PAK1: variants seen among roughly 807,000 people sequenced by gnomAD.
PAK1 encodes serine/threonine-protein kinase PAK 1.
A neutral mutation model predicts 67.4 loss-of-function variants in PAK1; 29 were observed. The ratio of observed to expected loss-of-function variants is 0.43; its 90% CI spans 0.32 to 0.59. The LOEUF (loss-of-function observed/expected upper bound fraction) is 0.59. PAK1 is among the 20% of genes least tolerant of loss of function. The pLI, the probability that PAK1 is intolerant of heterozygous loss-of-function variation, is 0.07. For missense variants in PAK1, 337 were observed against 670.7 expected (o/e 0.50, Z 5.50); for synonymous variants, 223 against 237.4 (o/e 0.94, Z 0.56).
chr11:77,495,118 C>T, the PAK1 span, among the ~76,000 whole-genome samples: 4 of 150,960 alleles, frequency 2.6e-5, no homozygotes, highest in African/African-American at 7.3e-5. Context: ...TCCAAGACCA[C>T]GCCATTGCAC....
chr11:77,339,942 C>T (rs1187569159), intron 11 of PAK1, among the ~76,000 whole-genome samples: 1 of 152,030 alleles, frequency 6.6e-6, no homozygotes, highest in African/African-American at 2.4e-5. Flanking sequence ...TCTGAATATT[C>T]CCTTCATCTT....
At chr11:77,383,411 A>G (rs1429198629) in intron 2 of PAK1, among the ~76,000 whole-genome samples, 1 of 144,328 alleles carries the variant, frequency 6.9e-6, no homozygotes, top group Admixed American at 7.2e-5. Context: ...TGCAACCTCC[A>G]CCTCCCCGGT....
chr11:77,500,689 A>C, the PAK1 span, among the ~76,000 whole-genome samples: 11 of 148,386 alleles, frequency 7.4e-5, no homozygotes, highest in East Asian at 2.1e-4. Context: ...CACACACACA[A>C]AAAAATTAGC....
intron 13 of PAK1, among the ~76,000 whole-genome samples, chr11:77,335,639 ATC>A (rs1748714139): frequency 6.6e-6 from 1 of 152,184 alleles, no homozygotes; most frequent in South Asian, 2.1e-4. Context: ...GGCCAAAATG[ATC>A]TGTTTAAAAC....
At chr11:77,442,536 T>C (rs1956399866) in intron 1 of PAK1, among the ~76,000 whole-genome samples, 1 of 152,104 alleles carries the variant, frequency 6.6e-6, no homozygotes. Context: ...TGAGTGAACT[T>C]GGAAGGAGTT....
chr11:77,395,075 T>G (rs1183014106), intron 1 of PAK1, among the ~76,000 whole-genome samples: 2 of 152,198 alleles, frequency 1.3e-5, no homozygotes, highest in African/African-American at 4.8e-5. Context: ...ATGCTGATCC[T>G]TCTGCCTAGA....
intron 1 of PAK1, among the ~76,000 whole-genome samples, chr11:77,431,412 A>C (rs1021172802): frequency 2.0e-5 from 3 of 152,148 alleles, no homozygotes; most frequent in Admixed American, 1.3e-4. Context: ...GACCTACCCA[A>C]TGTTTAACAA....
Position 77,382,259 on chromosome 11 carries a change from C to T in PAK1, c.191-2265G>A, listed in dbSNP as rs546597512. Among the ~76,000 whole-genome samples, 7 of 152,202 alleles carry T rather than the reference C, an allele frequency of 4.6e-5. No individual in the cohort carries two copies. In the South Asian group the frequency reaches 1.2e-3, roughly 27 times the overall value. On this transcript the variant is annotated intron_variant, in intron 2 of 14. Transcript: ENST00000356341. ...CATGAGTGGTTTACAGAAAAGAGTT[C>T]CAGAGAAATGAAATCATTTAATACA... is the stretch of plus-strand genomic sequence containing the variant.
intron 8 of PAK1, 31 bp from the exon 9 acceptor site, chr11:77,349,318 A>C (rs747337221): frequency 5.1e-6 from 8 of 1,554,534 alleles, no homozygotes; most frequent in Non-Finnish European, 7.0e-6. Context: ...GAAAGAGGGA[A>C]AAAAACACAG....
In PAK1 at chr11:77,379,367, G is replaced by A. The variant is rs769079461; in HGVS notation, c.313C>T (p.Arg105Cys). Residue 105 changes from arginine to cysteine, a missense_variant, in exon 4 of 15, where the codon CGC (arginine) becomes TGC (cysteine). Physicochemically the swap from Arg to Cys is radical, Grantham distance 180 (BLOSUM62 -3). Transcript: ENST00000356341. ...EFTGMPEQWA[R>C]LLQTSNITKS... ...GTGATATTTGATGTCTGAAGCAAGC[G>A]GGCCCACTGCTCTGGCATTCCCTGT... The A allele has an allele frequency of 8.7e-6, 14 of 1,613,394 alleles. No homozygotes were observed. Among genetic ancestry groups the A allele is most frequent in the Admixed American group, 3.3e-5 (2 of 59,978 alleles).
At chr11:77,392,142 G>A (rs1280527389) in intron 2 of PAK1, among the ~76,000 whole-genome samples, 189 bp downstream of exon 2, 1 of 152,066 alleles carries the variant, frequency 6.6e-6, no homozygotes, top group Admixed American at 6.6e-5. Flanking sequence ...CTCAGATATA[G>A]TTAATAGAGT....
At chr11:77,508,911 C>A in the PAK1 span, among the ~76,000 whole-genome samples, 1 of 148,104 alleles carries the variant, frequency 6.8e-6, no homozygotes, top group Non-Finnish European at 1.5e-5. Context: ...CCGCCCGCCT[C>A]GGCCTCCCAA....
chr11:77,492,541 C>CTTT, the PAK1 span, among the ~76,000 whole-genome samples: 3 of 106,136 alleles, frequency 2.8e-5, no homozygotes, highest in Non-Finnish European at 6.2e-5. Flanking sequence ...TGAGGTGGGT[C>CTTT]TTTTTTTTTT....
Position 77,388,786 on chromosome 11 carries a change from T to C in PAK1, c.190+3545A>G, listed in dbSNP as rs139941233. Among the ~76,000 whole-genome samples, 277 of 152,356 alleles carry C rather than the reference T, an allele frequency of 1.8e-3. 1 individual carries two copies. The highest frequency in any genetic ancestry group is 2.9e-3 in the Non-Finnish European group (198 of 68,034). ...AGCCAATTTATGGAAGAACCAATAC[T>C]ATAATCCCAATATCTAGACCCCCAC... On this transcript the variant is annotated intron_variant, in intron 2 of 14. Transcript: ENST00000356341.
chr11:77,452,208 A>T (rs1051022372), intron 1 of PAK1, among the ~76,000 whole-genome samples: 1 of 152,192 alleles, frequency 6.6e-6, no homozygotes, highest in Non-Finnish European at 1.5e-5. Context: ...TGTGAGGCAG[A>T]GTATCAACAT....
chr11:77,454,363 T>A (rs115176621), intron 1 of PAK1, among the ~76,000 whole-genome samples: 1 of 152,256 alleles, frequency 6.6e-6, no homozygotes, highest in South Asian at 2.1e-4. Flanking sequence ...CAGACACACA[T>A]TATCCGGTTT....
intron 1 of PAK1, among the ~76,000 whole-genome samples, chr11:77,467,625 T>A (rs1957658558): frequency 6.6e-6 from 1 of 152,218 alleles, no homozygotes; most frequent in Non-Finnish European, 1.5e-5. Context: ...ACTCTTTACA[T>A]CTTCACAAGT....
At chr11:77,461,248 T>C (rs1957329676) in intron 1 of PAK1, among the ~76,000 whole-genome samples, 1 of 152,212 alleles carries the variant, frequency 6.6e-6, no homozygotes, top group Non-Finnish European at 1.5e-5. Context: ...CCTAAAAACC[T>C]ACACCTGATA....
At chr11:77,477,413 T>C (rs1958070754), upstream of PAK1, among the ~76,000 whole-genome samples, 1 of 151,930 alleles carries the variant, frequency 6.6e-6, no homozygotes, top group Non-Finnish European at 1.5e-5. Flanking sequence ...ATGTGGCCTA[T>C]ACATACATTT....
Sources: allele counts gnomAD v4.1 joint callset (sites outside exome capture counted in the v4.1 genomes callset), GRCh38; gene constraint gnomAD v4.1.1; transcripts MANE v1.5; gene names NCBI Gene and HGNC (gene_info 2026-07-23, HGNC 2026-07-21).